Variants in KCNN2 observed in about 807,000 individuals in gnomAD.
The protein encoded by KCNN2 is small conductance calcium-activated potassium channel protein 2.
KCNN2 carries 24 observed loss-of-function variants against 55.5 expected under a neutral mutation model. The ratio of observed to expected loss-of-function variants is 0.43; its 90% confidence interval spans 0.31 to 0.61. The LOEUF (loss-of-function observed/expected upper bound fraction) is 0.61, where lower values mean the gene tolerates loss of function less well. Among genes scored for constraint, KCNN2 ranks in the 20% least tolerant of loss-of-function variants. The pLI is 0.08. For synonymous variants in KCNN2, 431 were observed against 336.1 expected, an observed-to-expected ratio of 1.28 and a Z score of -3.09; for missense variants, 754 against 853.6, an observed-to-expected ratio of 0.88 and a Z score of 1.45.
At chr5:114,184,197 T>C (rs1046162154) in intron 1 of KCNN2, among the ~76,000 whole-genome samples, 3 of 152,194 alleles carry the variant, frequency 2.0e-5, no homozygotes, top group Non-Finnish European at 1.5e-5. Context: ...CTCAGTATCA[T>C]AGTGTTCTCA....
In KCNN2 at chr5:114,366,872, T is replaced by A. The variant is rs139982087; in HGVS notation, c.1218+2871T>A. On this transcript the variant is annotated intron_variant, in intron 2 of 7. Transcript: ENST00000673685. ...AGGTTATGCTGCCATTCATAGCGTG[T>A]CCTTGGATGTAGCATATAATCTAAA... 2.0e-5 allele frequency among the ~76,000 whole-genome samples: 3 copies of A among 152,374 alleles called. No homozygotes were observed. In the East Asian group the frequency reaches 5.8e-4, roughly 29 times the overall value.
At chr5:114,124,770 A>C (rs1207655226) in intron 1 of KCNN2, among the ~76,000 whole-genome samples, 1 of 152,190 alleles carries the variant, frequency 6.6e-6, no homozygotes. Context: ...TCTTCTATCA[A>C]ATTGCTTCAG....
intron 1 of KCNN2, among the ~76,000 whole-genome samples, chr5:114,072,228 G>T (rs1337807017): frequency 6.6e-6 from 1 of 151,944 alleles, no homozygotes; most frequent in Non-Finnish European, 1.5e-5. Flanking sequence ...GGAGGCAGAG[G>T]TTGCGGTGAG....
chr5:114,174,516 G>A (rs1327767210), intron 1 of KCNN2, among the ~76,000 whole-genome samples: 5 of 152,084 alleles, frequency 3.3e-5, no homozygotes, highest in African/African-American at 9.7e-5. Context: ...CTTCTGAACT[G>A]ACCTTTGCCT....
At chr5:114,271,753 T>C (rs1220276318) in intron 2 of KCNN2, among the ~76,000 whole-genome samples, 1 of 152,182 alleles carries the variant, frequency 6.6e-6, no homozygotes, top group East Asian at 1.9e-4. Context: ...TAAAATTTTA[T>C]AGTCAGTCCA....
At chr5:114,074,306 G>GTTTA (rs1554066936) in intron 1 of KCNN2, among the ~76,000 whole-genome samples, 1 of 134,918 alleles carries the variant, frequency 7.4e-6, no homozygotes, top group African/African-American at 3.0e-5. Context: ...GTGTGTGTGT[G>GTTTA]TGTGTGTGTG....
At chr5:114,300,366 A>C (rs1017612182) in intron 2 of KCNN2, among the ~76,000 whole-genome samples, 1 of 152,166 alleles carries the variant, frequency 6.6e-6, no homozygotes. Context: ...CAGCCTCCAG[A>C]CCTTGTTTTA....
At chr5:114,455,419 T>G (rs545687534) in intron 3 of KCNN2, among the ~76,000 whole-genome samples, 1 of 152,314 alleles carries the variant, frequency 6.6e-6, no homozygotes, top group Non-Finnish European at 1.5e-5. Flanking sequence ...ATGATAAATG[T>G]TGTGTGTGTT....
rs550063284 is a variant in KCNN2, at chr5:114,262,951, G to A, written c.-185+41386G>A. ...TCCTATTATATCATTCGCCAATTGT[G>A]AGTTTAGAGAAAATACTTTAAAAGG... On this transcript the variant is annotated intron_variant, in intron 2 of 10. Coordinates refer to the KCNN2 transcript ENST00000512097. Among the ~76,000 whole-genome samples the A allele has an allele frequency of 2.0e-5, 3 of 152,252 alleles. No homozygotes were observed. In the South Asian group the frequency reaches 6.2e-4, roughly 32 times the overall value.
intron 2 of KCNN2, among the ~76,000 whole-genome samples, chr5:114,239,041 A>G (rs1285357456): frequency 6.6e-6 from 1 of 152,150 alleles, no homozygotes; most frequent in Admixed American, 6.5e-5. Flanking sequence ...TATGTTGATG[A>G]GGATAGGAAG....
At chr5:114,385,544 CA>C (rs1179737032) in intron 2 of KCNN2, among the ~76,000 whole-genome samples, 83 of 151,836 alleles carry the variant, frequency 5.5e-4, no homozygotes, top group Non-Finnish European at 1.3e-4. Context: ...CACACACACA[CA>C]CACACACACA....
chr5:114,213,147 A>G (rs1264359060), intron 1 of KCNN2, among the ~76,000 whole-genome samples: 1 of 151,986 alleles, frequency 6.6e-6, no homozygotes, highest in Admixed American at 6.6e-5. Context: ...CTTTGTCTCC[A>G]TAGTTGATAA....
At chr5:114,232,841 G>A (rs1754388779) in intron 2 of KCNN2, among the ~76,000 whole-genome samples, 1 of 149,910 alleles carries the variant, frequency 6.7e-6, no homozygotes, top group Non-Finnish European at 1.5e-5. Context: ...GATTAGTGGT[G>A]CTGATCATGG....
chr5:114,320,031 A>G (rs969399843), intron 2 of KCNN2, among the ~76,000 whole-genome samples: 4 of 152,194 alleles, frequency 2.6e-5, no homozygotes, highest in Non-Finnish European at 5.9e-5. Flanking sequence ...ATGTTTACCC[A>G]TTGTTACTCC....
chr5:114,236,855 A>G (rs186351754), intron 2 of KCNN2, among the ~76,000 whole-genome samples: 1 of 152,264 alleles, frequency 6.6e-6, no homozygotes, highest in Admixed American at 6.5e-5. Flanking sequence ...AAAGGATACT[A>G]TGCTATACGT....
At chr5:114,223,292 C>T (rs947340103) in intron 2 of KCNN2, among the ~76,000 whole-genome samples, 47 of 152,250 alleles carry the variant, frequency 3.1e-4, no homozygotes, top group African/African-American at 1.1e-3. Flanking sequence ...AGTGAGGATT[C>T]TGATTCTTCG....
chr5:114,441,094 A>T (rs1760190286), intron 3 of KCNN2, among the ~76,000 whole-genome samples: 1 of 152,184 alleles, frequency 6.6e-6, no homozygotes, highest in African/African-American at 2.4e-5. Context: ...TAGGAATAAA[A>T]AAAGATCACT....
intron 1 of KCNN2, among the ~76,000 whole-genome samples, chr5:114,159,620 G>A (rs1391265280): frequency 2.6e-5 from 4 of 152,052 alleles, no homozygotes; most frequent in South Asian, 2.1e-4. Context: ...TCAGCTGTGA[G>A]TCCATCTGGT....
chr5:114,188,355 A>G (rs1225396972), intron 1 of KCNN2, among the ~76,000 whole-genome samples: 2 of 152,188 alleles, frequency 1.3e-5, no homozygotes, highest in East Asian at 3.9e-4. Context: ...TTCTCATTGC[A>G]TAGTTCCAAG....
Sources: gnomAD v4.1 joint callset for allele counts (sites outside exome capture counted in the v4.1 genomes callset) on GRCh38, gnomAD v4.1.1 for gene constraint, MANE v1.5 for transcripts, NCBI Gene and HGNC (gene_info 2026-07-23, HGNC 2026-07-21) for gene names.